The following TMEM132D variants were observed in gnomAD, a reference collection of about 807,000 sequenced individuals.
TMEM132D encodes the protein mature OL transmembrane protein.
A neutral mutation model predicts 62.3 loss-of-function variants in TMEM132D; 21 were observed. The ratio of observed to expected loss-of-function variants is 0.34; its 90% CI spans 0.24 to 0.49. TMEM132D has a LOEUF of 0.49. TMEM132D is among the 20% of genes least tolerant of loss of function. The pLI is 0.99. For missense variants in TMEM132D, 1,346 were observed against 1,402.8 expected (o/e 0.96, Z 0.65); for synonymous variants, 621 against 575.6 (o/e 1.08, Z -1.13).
intron 3 of TMEM132D, among the ~76,000 whole-genome samples, chr12:129,377,705 T>G (rs545320685): frequency 6.4e-4 from 98 of 152,326 alleles, no homozygotes; most frequent in African/African-American, 2.2e-3. Flanking sequence ...TGTAAATCTT[T>G]GACTCAATTG....
At chr12:129,321,649 C>T (rs1868712170) in intron 4 of TMEM132D, among the ~76,000 whole-genome samples, 1 of 152,112 alleles carries the variant, frequency 6.6e-6, no homozygotes. Context: ...CTCCACCTCC[C>T]AGGTTCACGC....
At chr12:129,246,053 G>A (rs1375527339) in intron 4 of TMEM132D, among the ~76,000 whole-genome samples, 3 of 148,224 alleles carry the variant, frequency 2.0e-5, no homozygotes, top group East Asian at 2.0e-4. Context: ...TCCCCACCCC[G>A]GCCCACTTCA....
At position 129,074,148 on chromosome 12, in the gene TMEM132D, T is replaced by G. The variant is rs780121743; in HGVS notation, c.3027A>C (p.Gln1009His). Residue 1009 changes from glutamine (Q) to histidine (H), a missense_variant, in exon 9 of 9, where the codon CAA becomes CAC. Gln to His is a conservative substitution (Grantham distance 24, BLOSUM62 0). Coordinates refer to ENST00000422113, the MANE Select transcript of TMEM132D (RefSeq NM_133448.3). ...TGAACAGCTGCCCATTGATGCTTTT[T>G]TGGGAGTTTGTGCTGAGGAGATATT... Reference protein sequence around the residue: ...ESKYLLSTNSQKSINGQLFKP... With the variant: ...ESKYLLSTNSHKSINGQLFKP... 1.9e-6 allele frequency: 3 copies of G among 1,614,138 alleles called. No individual in the cohort carries two copies. Among genetic ancestry groups the G allele is most frequent in the Non-Finnish European group, 1.7e-6 (2 of 1,180,024 alleles).
intron 1 of TMEM132D, among the ~76,000 whole-genome samples, chr12:129,807,852 T>C (rs1385920376): frequency 6.6e-6 from 1 of 152,206 alleles, no homozygotes; most frequent in African/African-American, 2.4e-5. Context: ...TAAAGCAATT[T>C]GTGCTATCTG....
chr12:129,141,448 G>T (rs901538027), intron 5 of TMEM132D, among the ~76,000 whole-genome samples: 3 of 152,206 alleles, frequency 2.0e-5, no homozygotes, highest in Non-Finnish European at 4.4e-5. Flanking sequence ...TGTTTTTGGT[G>T]TTCTGTATAT....
At chr12:129,723,040 C>A (rs950313140) in intron 1 of TMEM132D, among the ~76,000 whole-genome samples, 1 of 152,084 alleles carries the variant, frequency 6.6e-6, no homozygotes, top group Non-Finnish European at 1.5e-5. Context: ...CTGTGCCCGG[C>A]CGATCCTGGC....
intron 2 of TMEM132D, among the ~76,000 whole-genome samples, chr12:129,634,674 A>G (rs78242722): frequency 0.025 from 3,813 of 152,322 alleles, 62 homozygotes; most frequent in African/African-American, 0.039. Flanking sequence ...GAGACAAGGA[A>G]AATGAAACGT....
chr12:129,645,468 T>C (rs1879751079), intron 2 of TMEM132D, among the ~76,000 whole-genome samples: 1 of 152,216 alleles, frequency 6.6e-6, no homozygotes, highest in Admixed American at 6.5e-5. Flanking sequence ...TTGTATGCCT[T>C]TTCTCTTATT....
At chr12:129,877,700 A>C (rs184731517) in intron 1 of TMEM132D, among the ~76,000 whole-genome samples, 1 of 152,026 alleles carries the variant, frequency 6.6e-6, no homozygotes, top group Non-Finnish European at 1.5e-5. Context: ...GAGAGCTCTT[A>C]GGCAGTGATG....
intron 3 of TMEM132D, among the ~76,000 whole-genome samples, chr12:129,508,735 A>G (rs981524171): frequency 5.6e-5 from 8 of 143,706 alleles, no homozygotes; most frequent in Non-Finnish European, 1.1e-4. Flanking sequence ...TGAATAAACT[A>G]AGAGTCTCAA....
chr12:129,095,346 GT>G (rs34044401), intron 5 of TMEM132D, among the ~76,000 whole-genome samples: 3,205 of 105,228 alleles, frequency 0.03, 59 homozygotes, highest in African/African-American at 0.11. Flanking sequence ...ATGCCTGCTG[GT>G]TTTTTTTTTT....
intron 4 of TMEM132D, among the ~76,000 whole-genome samples, chr12:129,316,571 G>A (rs1355520176): frequency 6.6e-6 from 1 of 152,066 alleles, no homozygotes; most frequent in Non-Finnish European, 1.5e-5. Flanking sequence ...CCTATGATAT[G>A]TCTATCTTGG....
At chr12:129,383,956 G>A (rs751241183) in intron 3 of TMEM132D, among the ~76,000 whole-genome samples, 1 of 152,150 alleles carries the variant, frequency 6.6e-6, no homozygotes, top group African/African-American at 2.4e-5. Context: ...AGACAACACC[G>A]CAGTCACCCA....
At chr12:129,821,052 C>A (rs532191544) in intron 1 of TMEM132D, among the ~76,000 whole-genome samples, 1 of 152,174 alleles carries the variant, frequency 6.6e-6, no homozygotes, top group Non-Finnish European at 1.5e-5. Context: ...TATATAAACC[C>A]ATTTTAACAA....
chr12:129,876,956 G>A (rs916722497), intron 1 of TMEM132D, among the ~76,000 whole-genome samples: 5 of 152,138 alleles, frequency 3.3e-5, no homozygotes, highest in African/African-American at 7.2e-5. Context: ...TACAGAGGAA[G>A]GGAGGGTTCC....
intron 3 of TMEM132D, among the ~76,000 whole-genome samples, chr12:129,520,300 C>T (rs1057224426): frequency 5.3e-5 from 8 of 152,166 alleles, no homozygotes; most frequent in Non-Finnish European, 1.2e-4. Context: ...GAAAGGCTTA[C>T]TCTGGGGTGC....
At chr12:129,334,281 C>T (rs751854586) in intron 4 of TMEM132D, among the ~76,000 whole-genome samples, 8 of 152,130 alleles carry the variant, frequency 5.3e-5, no homozygotes, top group African/African-American at 1.4e-4. Context: ...TCCATCAACA[C>T]GGAATGTTAA....
rs1873853639 is a variant in TMEM132D, at chr12:129,860,357, C to G, written c.79+42904G>C. ...CATTTACTATTGATCAGGGCCCAAA[C>G]TCTGTCAATTTAGATGTTAACTTGG... On this transcript the variant is annotated intron_variant, in intron 1 of 8. Coordinates refer to ENST00000422113, the MANE Select transcript of TMEM132D (RefSeq NM_133448.3). Among the ~76,000 whole-genome samples, 3 of 152,228 alleles carry G rather than the reference C, an allele frequency of 2.0e-5. No individual in the cohort carries two copies. In the South Asian group the frequency reaches 6.2e-4, roughly 32 times the overall value.
chr12:129,886,331 G>A (rs990176954), intron 1 of TMEM132D, among the ~76,000 whole-genome samples: 4 of 152,178 alleles, frequency 2.6e-5, no homozygotes, highest in Admixed American at 1.3e-4. Flanking sequence ...GAAGAGAAGT[G>A]TCTTGCTATT....
Sources: allele counts gnomAD v4.1 joint callset (sites outside exome capture counted in the v4.1 genomes callset), GRCh38; gene constraint gnomAD v4.1.1; transcripts MANE v1.5; gene names NCBI Gene and HGNC (gene_info 2026-07-23, HGNC 2026-07-21).